The following DSCAML1 variants were observed in gnomAD, a reference collection of about 807,000 sequenced individuals.
DSCAML1 encodes DS cell adhesion molecule like 1, also known as cell adhesion molecule DSCAML1.
Under a neutral mutation model 200.5 loss-of-function variants are expected in DSCAML1, and 38 were observed. That is an observed-to-expected ratio of 0.19 (90% CI 0.15 to 0.25). DSCAML1 has a LOEUF of 0.25. DSCAML1 is among the 10% of genes least tolerant of loss of function. The probability of loss-of-function intolerance (pLI) is 1.00; values close to 1 mark genes in which losing one functional copy is unlikely to be tolerated. For synonymous variants in DSCAML1, 1,215 were observed against 1,165.0 expected (o/e 1.04, Z -0.87); for missense variants, 2,223 against 2,858.8 (o/e 0.78, Z 5.07).
chr11:117,770,308 T>C (rs1330788401), intron 3 of DSCAML1, among the ~76,000 whole-genome samples: 6 of 152,168 alleles, frequency 3.9e-5, no homozygotes, highest in Non-Finnish European at 8.8e-5. Flanking sequence ...CTCGGATCTA[T>C]CATCTATTTC....
At chr11:117,607,747 C>T (rs1166686508) in intron 3 of DSCAML1, among the ~76,000 whole-genome samples, 2 of 152,156 alleles carry the variant, frequency 1.3e-5, no homozygotes, top group African/African-American at 4.8e-5. Flanking sequence ...GAGGGCAGGA[C>T]CCCACAACAG....
chr11:117,647,692 T>C (rs2052544940), intron 3 of DSCAML1, among the ~76,000 whole-genome samples: 1 of 152,040 alleles, frequency 6.6e-6, no homozygotes, highest in Non-Finnish European at 1.5e-5. Flanking sequence ...CTCACTCTGA[T>C]TAGCAGAAAG....
intron 3 of DSCAML1, among the ~76,000 whole-genome samples, chr11:117,646,867 A>AG (rs1376805166): frequency 1.3e-5 from 2 of 151,826 alleles, no homozygotes; most frequent in Non-Finnish European, 2.9e-5. Flanking sequence ...AAAAAAAAAA[A>AG]CAAATCCAGA....
chr11:117,443,739 G>A, intron 21 of DSCAML1, 147 bp downstream of exon 21: 1 of 1,144,210 alleles, frequency 8.7e-7, no homozygotes. Context: ...GTCTTGGTGT[G>A]TGCGGGAGGC....
chr11:117,548,122 C>T (rs2050409028), intron 3 of DSCAML1, among the ~76,000 whole-genome samples: 1 of 152,224 alleles, frequency 6.6e-6, no homozygotes, highest in African/African-American at 2.4e-5. Context: ...GTGTGGATCC[C>T]AGCGGCCGCT....
intron 3 of DSCAML1, among the ~76,000 whole-genome samples, chr11:117,596,433 C>T (rs2051362479): frequency 1.8e-4 from 26 of 146,858 alleles, no homozygotes; most frequent in Admixed American, 1.7e-3. Context: ...AAGGGGTAGA[C>T]ACATATGTGT....
intron 19 of DSCAML1, among the ~76,000 whole-genome samples, chr11:117,457,880 G>A (rs2048403147): frequency 6.6e-6 from 1 of 152,216 alleles, no homozygotes; most frequent in Admixed American, 6.5e-5. Context: ...AAGCCACCAT[G>A]CCAAGGATGT....
At chr11:117,793,349 C>T (rs1176981730) in intron 1 of DSCAML1, among the ~76,000 whole-genome samples, 1 of 152,150 alleles carries the variant, frequency 6.6e-6, no homozygotes, top group African/African-American at 2.4e-5. Flanking sequence ...CCTCCAAGAT[C>T]ACGGAGGAGG....
chr11:117,480,557 G>A lies in DSCAML1; in HGVS notation c.2671C>T (p.Pro891Ser), dbSNP rs1447296437. ...TTCACCTCCCGGATCTCCAGCTCTGGGGGGTCGGGGGGCTCTAGGGTGCGG... is the reference window on the plus strand; with the variant it reads ...TTCACCTCCCGGATCTCCAGCTCTGAGGGGTCGGGGGGCTCTAGGGTGCGG... ...QLTVQEPPDP[P>S]ELEIREVKAR... Residue 891 changes from proline to serine, a missense_variant, in exon 14 of 33, where the codon CCA becomes TCA. Transcript: ENST00000651296. This position sits in a 1 kb window ranked among gnomAD's most constrained non-coding sequence, Gnocchi z 4.1. 6.4e-7 allele frequency: 1 copy of A among 1,563,828 alleles called. No homozygotes were observed. Among genetic ancestry groups the A allele is most frequent in the Non-Finnish European group, 8.7e-7 (1 of 1,153,522 alleles).
chr11:117,688,621 C>T (rs2053446292), intron 3 of DSCAML1, among the ~76,000 whole-genome samples: 2 of 152,140 alleles, frequency 1.3e-5, no homozygotes, highest in African/African-American at 4.8e-5. Flanking sequence ...TGCTGTGTGA[C>T]CTTGGGCAGG....
intron 3 of DSCAML1, among the ~76,000 whole-genome samples, chr11:117,716,515 C>A (rs1313763838): frequency 6.6e-6 from 1 of 152,164 alleles, no homozygotes; most frequent in Non-Finnish European, 1.5e-5. Context: ...GCTGCAAAAC[C>A]AGCTCACCCC....
chr11:117,769,766 T>G (rs1342876124), intron 3 of DSCAML1, among the ~76,000 whole-genome samples: 1 of 151,160 alleles, frequency 6.6e-6, no homozygotes, highest in African/African-American at 2.4e-5. Flanking sequence ...AAAGTCCCCT[T>G]GTCTTCAGAT....
intron 3 of DSCAML1, among the ~76,000 whole-genome samples, chr11:117,732,176 C>T (rs2054233539): frequency 6.6e-6 from 1 of 152,256 alleles, no homozygotes; most frequent in Non-Finnish European, 1.5e-5. Flanking sequence ...TGATGAGCCT[C>T]CATGGTGCAC....
At chr11:117,746,016 C>T (rs933662811) in intron 3 of DSCAML1, among the ~76,000 whole-genome samples, 1 of 151,406 alleles carries the variant, frequency 6.6e-6, no homozygotes, top group Non-Finnish European at 1.5e-5. Context: ...AGATCGAGAA[C>T]ACCCTGGATA....
chr11:117,799,377 C>T (rs1031568493), upstream of DSCAML1, among the ~76,000 whole-genome samples: 23 of 152,156 alleles, frequency 1.5e-4, no homozygotes, highest in South Asian at 2.1e-4. Context: ...GTGCCTCACA[C>T]GCTGGAAGTA....
At chr11:117,792,759 A>G (rs1193640772) in intron 1 of DSCAML1, among the ~76,000 whole-genome samples, 1 of 152,118 alleles carries the variant, frequency 6.6e-6, no homozygotes, top group Non-Finnish European at 1.5e-5. Flanking sequence ...TTCTATAGCT[A>G]GTTTGCCCCT....
At chr11:117,619,067 C>T (rs1269134508) in intron 3 of DSCAML1, among the ~76,000 whole-genome samples, 3 of 152,192 alleles carry the variant, frequency 2.0e-5, no homozygotes, top group Non-Finnish European at 2.9e-5. Context: ...CTCTCTGTTC[C>T]CTCCCCAGCT....
At chr11:117,433,540 G>A (rs2047847812) in intron 27 of DSCAML1, 69 bp from the exon 28 acceptor site, 2 of 1,545,676 alleles carry the variant, frequency 1.3e-6, no homozygotes, top group African/African-American at 1.4e-5. Context: ...AATGGGAGAG[G>A]CATGGGAAAC....
chr11:117,694,964 G>T (rs930898647), intron 3 of DSCAML1, among the ~76,000 whole-genome samples: 1 of 152,198 alleles, frequency 6.6e-6, no homozygotes, highest in Non-Finnish European at 1.5e-5. Context: ...CTAAGGACTT[G>T]ACCTTCAGCC....
Sources: gnomAD v4.1 joint callset for allele counts (sites outside exome capture counted in the v4.1 genomes callset) on GRCh38, gnomAD v4.1.1 for gene constraint, Gnocchi (gnomAD v3.1) non-coding constraint, MANE v1.5 for transcripts, NCBI Gene and HGNC (gene_info 2026-07-23, HGNC 2026-07-21) for gene names.